Variants in ZNF346 observed in about 807,000 individuals in gnomAD.
ZNF346 encodes double-stranded RNA-binding zinc finger protein JAZ.
A neutral mutation model predicts 33.7 loss-of-function variants in ZNF346; 23 were observed. The observed-to-expected ratio is 0.68, with a 90% CI of 0.49 to 0.97. ZNF346 has a LOEUF of 0.97. Ranked by LOEUF, ZNF346 falls within the 50% of genes least tolerant of loss-of-function variation. ZNF346 has a pLI of 0.00. For synonymous variants in ZNF346, 134 were observed against 142.4 expected (o/e 0.94, Z 0.42); for missense variants, 340 against 371.1 (o/e 0.92, Z 0.69).
In ZNF346 at chr5:177,066,935, A is replaced by G. The variant is rs1783223175; in HGVS notation, c.*2336A>G. On this transcript the variant is annotated 3_prime_UTR_variant, in exon 7 of 7. Coordinates refer to ENST00000358149, the MANE Select transcript of ZNF346 (RefSeq NM_012279.4). ...AAATCAGCTGCGCCTGGTGGCACACATCTGTAGTCCCAGCTACTTGGGAGG... is the reference window on the plus strand; with the variant it reads ...AAATCAGCTGCGCCTGGTGGCACACGTCTGTAGTCCCAGCTACTTGGGAGG... Among the ~76,000 whole-genome samples the G allele has an allele frequency of 6.6e-6, 1 of 152,046 alleles. No individual in the cohort carries two copies.
chr5:177,039,339 G>A (rs1046942383), intron 1 of ZNF346, among the ~76,000 whole-genome samples: 9 of 151,984 alleles, frequency 5.9e-5, no homozygotes, highest in Non-Finnish European at 7.4e-5. Context: ...AGATCATTAG[G>A]GGCAGAAATA....
rs775560129 is a variant in ZNF346, at chr5:177,022,789, C to T, written c.51C>T (p.Ala17=). ...ATVQAADGGA[A]GPYSSSELLE... ...TGCAGGCCGCGGACGGCGGAGCGGC[C>T]GGGCCTTACAGCAGCTCGGAGTTGC... The change falls in exon 1 of 7, where the codon GCC becomes GCT. Residue 17 remains alanine, a synonymous_variant. Coordinates refer to ENST00000358149, the MANE Select transcript of ZNF346 (RefSeq NM_012279.4). The T allele has an allele frequency of 6.5e-6, 10 of 1,548,176 alleles. 1 individual carries two copies. The South Asian group carries it at 9.5e-5, about 15-fold the overall frequency.
chr5:177,049,096 T>G (rs1780514272), intron 4 of ZNF346, among the ~76,000 whole-genome samples: 1 of 152,168 alleles, frequency 6.6e-6, no homozygotes, highest in African/African-American at 2.4e-5. Context: ...TGTAACTTGC[T>G]TTTTTTACAC....
At chr5:177,072,651 G>A (rs552730071), downstream of ZNF346, among the ~76,000 whole-genome samples, 3 of 152,240 alleles carry the variant, frequency 2.0e-5, no homozygotes, top group South Asian at 4.1e-4. Flanking sequence ...GGAGTTCAAG[G>A]CCAGCTGGCC....
rs997955543 is a variant in ZNF346, at chr5:177,077,356, T to C, written c.*3-2026T>C. On this transcript the variant is annotated intron_variant, in intron 8 of 8. Transcript: ENST00000503039. The surrounding 1 kb of genome is among the most constrained non-coding windows in gnomAD (Gnocchi z 5.0). ...GAAGGAGCCTTTTATTTATAAAGGG[T>C]TTAAGAAAAAGGATTAGCCGAAGAA... is the stretch of plus-strand genomic sequence containing the variant. Among the ~76,000 whole-genome samples the C allele has an allele frequency of 6.6e-6, 1 of 151,922 alleles. No homozygotes were observed. Among genetic ancestry groups the C allele is most frequent in the African/African-American group, 2.4e-5 (1 of 41,350 alleles).
At chr5:177,069,452 C>CAAA (rs71299775), downstream of ZNF346, among the ~76,000 whole-genome samples, 18,464 of 143,088 alleles carry the variant, frequency 0.13, 2,731 homozygotes, top group African/African-American at 0.36. Context: ...GACTCTGTCT[C>CAAA]AAAAAAAAAA....
downstream of ZNF346, among the ~76,000 whole-genome samples, chr5:177,071,187 TCA>T (rs1304947461): frequency 6.6e-6 from 1 of 151,968 alleles, no homozygotes; most frequent in Admixed American, 6.6e-5. Context: ...TTAGAAGAAA[TCA>T]CAGTTCCCAG....
intron 4 of ZNF346, among the ~76,000 whole-genome samples, chr5:177,048,787 C>CTTTTTTTTT (rs58509601): frequency 2.3e-5 from 3 of 132,196 alleles, no homozygotes; most frequent in Non-Finnish European, 4.9e-5. Flanking sequence ...CTTTTTTTTT[C>CTTTTTTTTT]TTTTTTTTTT....
At chr5:177,029,381 C>T (rs1412290882) in intron 1 of ZNF346, among the ~76,000 whole-genome samples, 2 of 152,122 alleles carry the variant, frequency 1.3e-5, no homozygotes, top group African/African-American at 2.4e-5. Flanking sequence ...CAGACCTGGC[C>T]GTATGTATCT....
intron 4 of ZNF346, 153 bp from the exon 5 acceptor site, chr5:177,050,598 T>A (rs1780716947): frequency 1.4e-6 from 1 of 731,518 alleles, no homozygotes; most frequent in African/African-American, 1.8e-5. Context: ...GTGCCACATC[T>A]GCAGTAGGAT....
intron 1 of ZNF346, among the ~76,000 whole-genome samples, chr5:177,039,868 A>G (rs1779103698): frequency 6.6e-6 from 1 of 151,774 alleles, no homozygotes; most frequent in African/African-American, 2.4e-5. Context: ...TCTGCCTCAC[A>G]TTGCCAGCGC....
At chr5:177,045,250 A>G (rs1290624192) in intron 4 of ZNF346, among the ~76,000 whole-genome samples, 1 of 152,072 alleles carries the variant, frequency 6.6e-6, no homozygotes, top group Non-Finnish European at 1.5e-5. Flanking sequence ...TTGCTTCTCT[A>G]TTTTGGACCA....
chr5:177,069,383 CGGA>C (rs1783390989), downstream of ZNF346, among the ~76,000 whole-genome samples: 1 of 149,310 alleles, frequency 6.7e-6, no homozygotes, highest in Non-Finnish European at 1.5e-5. Context: ...ACCTGGGAGG[CGGA>C]GGTTGCAAGT....
At chr5:177,075,185 G>A (rs1783687122) in intron 8 of ZNF346, among the ~76,000 whole-genome samples, 1 of 151,536 alleles carries the variant, frequency 6.6e-6, no homozygotes, top group African/African-American at 2.4e-5. Flanking sequence ...TGGATCATGA[G>A]ATCAGGAGTT....
chr5:177,047,647 C>G (rs186649220), intron 4 of ZNF346, among the ~76,000 whole-genome samples: 1 of 151,922 alleles, frequency 6.6e-6, no homozygotes, highest in African/African-American at 2.4e-5. Context: ...CTGGGACTAC[C>G]GGCACCTGCC....
chr5:177,070,218 T>G (rs1490088846), downstream of ZNF346, among the ~76,000 whole-genome samples: 1 of 152,116 alleles, frequency 6.6e-6, no homozygotes, highest in Non-Finnish European at 1.5e-5. Flanking sequence ...GCACTTGGTG[T>G]TGTCAGTTTT....
Position 177,046,149 on chromosome 5 carries a change from A to C in ZNF346, c.517+1616A>C, listed in dbSNP as rs74212631. On this transcript the variant is annotated intron_variant, in intron 4 of 6. Coordinates refer to ENST00000358149, the MANE Select transcript of ZNF346 (RefSeq NM_012279.4). ...ACCCAATCTCTACTAAAAATAACAA[A>C]AATTAGCTGGGTGTGGTGGCACGAG... Among the ~76,000 whole-genome samples the C allele has an allele frequency of 5.0e-4, 76 of 151,984 alleles. No individual in the cohort carries two copies. In the East Asian group the frequency reaches 0.014, roughly 28 times the overall value.
intron 1 of ZNF346, among the ~76,000 whole-genome samples, chr5:177,033,494 C>T (rs1278944071): frequency 2.0e-5 from 3 of 151,966 alleles, no homozygotes; most frequent in Non-Finnish European, 4.4e-5. Context: ...AGTCAGTTGA[C>T]GAATTTTTTT....
rs1258448322 is a variant in ZNF346, at chr5:177,041,236, C to T, written c.279+7C>T. 1 of 1,609,952 alleles carries T rather than the reference C, an allele frequency of 6.2e-7. No individual in the cohort carries two copies. The highest frequency in any genetic ancestry group is 1.7e-5 in the Admixed American group (1 of 59,998). ...GAAGCTGGCACATTACCAGGTATGC[C>T]ATCATACTTTTAGAACTGCGTTTCT... On this transcript the variant is annotated splice_region_variant and intron_variant, in intron 2 of 6. Transcript: ENST00000358149.
Sources: gnomAD v4.1 joint callset for allele counts (sites outside exome capture counted in the v4.1 genomes callset) on GRCh38, gnomAD v4.1.1 for gene constraint, Gnocchi (gnomAD v3.1) non-coding constraint, MANE v1.5 for transcripts, NCBI Gene and HGNC (gene_info 2026-07-23, HGNC 2026-07-21) for gene names.